The following TP53AIP1 variants were observed in gnomAD, a reference collection of about 807,000 sequenced individuals.
The protein encoded by TP53AIP1 is tumor protein p53 regulated apoptosis inducing protein 1.
A neutral mutation model predicts 9.5 loss-of-function variants in TP53AIP1; 14 were observed. The ratio of observed to expected loss-of-function variants is 1.47; its 90% confidence interval spans 0.97 to 2.30. The LOEUF (loss-of-function observed/expected upper bound fraction) is 2.30. Ranked by LOEUF, TP53AIP1 falls within the 30% of genes most tolerant of loss-of-function variation. The pLI is 0.00. For missense variants in TP53AIP1, 153 were observed against 146.7 expected (o/e 1.04, Z -0.22); for synonymous variants, 73 against 61.2 (o/e 1.19, Z -0.90).
rs760854911 is a variant in TP53AIP1 at position 128,939,018 on chromosome 11, G to A, written c.-76-1124C>T. 2.6e-5 allele frequency among the ~76,000 whole-genome samples: 4 copies of A among 152,224 alleles called. No homozygotes were observed. The highest frequency in any genetic ancestry group is 2.1e-4 in the South Asian group (1 of 4,814). On this transcript the variant is annotated intron_variant, in intron 1 of 3. Coordinates refer to ENST00000531399, the MANE Select transcript of TP53AIP1 (RefSeq NM_022112.3). The surrounding 1 kb of genome is among the most constrained non-coding windows in gnomAD (Gnocchi z 4.1). ...CATGCTGGCCATGTGCGGTGACCAC[G>A]CTAAGTACTGTGCGTGTACCATTTC...
Position 128,935,440 on chromosome 11 carries a change from C to T in TP53AIP1, c.*151G>A. On this transcript the variant is annotated 3_prime_UTR_variant, in exon 4 of 4. Transcript: ENST00000531399. ...AAAATGAGGCAACCTAGCCACCCAA[C>T]TGGCCCAGTGGTCAAGGGGGGAAAT... 1.4e-6 allele frequency: 2 copies of T among 1,421,208 alleles called. No individual in the cohort carries two copies. The highest frequency in any genetic ancestry group is 1.8e-6 in the Non-Finnish European group (2 of 1,093,984). The allele number at this position is 1,421,208 out of a possible 1,614,324, so 88.0% of individuals were successfully genotyped here.
At chr11:128,941,490 C>T (rs980890729) in intron 1 of TP53AIP1, among the ~76,000 whole-genome samples, 44 of 152,226 alleles carry the variant, frequency 2.9e-4, no homozygotes, top group African/African-American at 1.1e-3. Flanking sequence ...GTTGCCTCAG[C>T]CCCCAACGCA....
intron 3 of TP53AIP1, 190 bp downstream of exon 3, chr11:128,936,348 G>A (rs1944823424): frequency 1.4e-6 from 2 of 1,383,832 alleles, no homozygotes; most frequent in Non-Finnish European, 1.9e-6. Context: ...TTTAATTTGA[G>A]AAATTAAATA....
In TP53AIP1 at chr11:128,942,801, C is replaced by G. The variant is rs1264095814; in HGVS notation, c.-84G>C. ...CCCTCCCCCTCTCCTCACCTGCCTC[C>G]TAGGAGTCGGAGGGTCCGTGGAAAT... On this transcript the variant is annotated 5_prime_UTR_variant, in exon 1 of 4. Coordinates refer to ENST00000531399, the MANE Select transcript of TP53AIP1 (RefSeq NM_022112.3). 1 of 152,776 alleles carries G rather than the reference C, an allele frequency of 6.5e-6. No homozygotes were observed. Among genetic ancestry groups the G allele is most frequent in the Non-Finnish European group, 1.5e-5 (1 of 68,432 alleles). The allele number at this position is 152,776 out of a possible 1,614,324, so 9.5% of individuals were successfully genotyped here. A position where few individuals can be genotyped will look rare whatever the true frequency, so the allele number is the denominator to read the frequency against.
intron 2 of TP53AIP1, chr11:128,936,991 T>C: frequency 1.8e-6 from 2 of 1,088,908 alleles, no homozygotes; most frequent in Non-Finnish European, 2.2e-6. Context: ...ACGCTGCGTG[T>C]GAGCTTCTGG....
At chr11:128,940,247 C>T (rs1389875302) in intron 1 of TP53AIP1, among the ~76,000 whole-genome samples, 1 of 152,142 alleles carries the variant, frequency 6.6e-6, no homozygotes, top group Non-Finnish European at 1.5e-5. Flanking sequence ...GGAGAGATGA[C>T]AGCTATCCTC....
chr11:128,935,275 G>A, downstream of TP53AIP1: 1 of 1,428,214 alleles, frequency 7.0e-7, no homozygotes, highest in East Asian at 2.5e-5. Context: ...GACAACGCTT[G>A]GAGCATACTT....
chr11:128,935,146 G>C, downstream of TP53AIP1: 4 of 794,660 alleles, frequency 5.0e-6, no homozygotes, highest in Non-Finnish European at 8.5e-6. Flanking sequence ...CACCCAGCGG[G>C]GGCCCGGGGC....
chr11:128,940,789 C>T (rs1160651279), intron 1 of TP53AIP1, among the ~76,000 whole-genome samples: 1 of 152,210 alleles, frequency 6.6e-6, no homozygotes, highest in Non-Finnish European at 1.5e-5. Flanking sequence ...ACGCTGGGTG[C>T]CTTTCCGCAG....
chr11:128,938,663 A>T (rs983823420), intron 1 of TP53AIP1, among the ~76,000 whole-genome samples: 1 of 152,080 alleles, frequency 6.6e-6, no homozygotes. Flanking sequence ...CTGCATTCTG[A>T]GCTACTGCCC....
rs764251284 is a variant in TP53AIP1 at position 128,936,545 on chromosome 11, G to A, written c.246C>T (p.Ile82=). The A allele has an allele frequency of 1.3e-6, 2 of 1,571,802 alleles. No individual in the cohort carries two copies. Among genetic ancestry groups the A allele is most frequent in the African/African-American group, 1.3e-5 (1 of 74,328 alleles). ...SGSWSSATVW[I]LTGLGLGLSR... ...TAAGTAATTATCACACACCTGTCAG[G>A]ATCCAGACAGTTGCTGAGGACCAAG... The change falls in exon 3 of 4, where the codon ATC becomes ATT. Residue 82 remains isoleucine (I), a synonymous_variant. Coordinates refer to ENST00000531399, the MANE Select transcript of TP53AIP1 (RefSeq NM_022112.3).
rs1944867188 is a variant in TP53AIP1, at chr11:128,938,000, G to A, written c.-76-106C>T. The A allele has an allele frequency of 4.2e-6, 3 of 713,050 alleles. No homozygotes were observed. The highest frequency in any genetic ancestry group is 3.0e-5 in the Admixed American group (1 of 33,486). 44.2% of individuals were successfully genotyped at this position (713,050 alleles called of 1,614,324 possible). A position where few individuals can be genotyped will look rare whatever the true frequency, so the allele number is the denominator to read the frequency against. ...TTTCAGTTGTACTTGGATCTGGGAGGGGGAAGCCGATGCACCCAGAGACCC... is the reference window on the plus strand; with the variant it reads ...TTTCAGTTGTACTTGGATCTGGGAGAGGGAAGCCGATGCACCCAGAGACCC... On this transcript the variant is annotated intron_variant, in intron 1 of 3. Transcript: ENST00000531399. This position sits in a 1 kb window ranked among gnomAD's most constrained non-coding sequence, Gnocchi z 4.8.
chr11:128,941,202 G>A (rs780232863), intron 1 of TP53AIP1, among the ~76,000 whole-genome samples: 1 of 152,204 alleles, frequency 6.6e-6, no homozygotes, highest in African/African-American at 2.4e-5. Flanking sequence ...CTGCCGAACA[G>A]CTCCTGGGGA....
At chr11:128,935,098 C>T (rs188813931), downstream of TP53AIP1, 24 of 707,670 alleles carry the variant, frequency 3.4e-5, no homozygotes, top group East Asian at 1.1e-4. Flanking sequence ...GTGGTAGGAA[C>T]GTGTCAGCAG....
At chr11:128,936,679 C>T in intron 2 of TP53AIP1, 30 bp from the exon 3 acceptor site, 5 of 1,549,728 alleles carry the variant, frequency 3.2e-6, no homozygotes, top group Non-Finnish European at 4.3e-6. Flanking sequence ...GACTGTGAGG[C>T]CCTGCAGCGC....
In TP53AIP1 at chr11:128,937,852, C is replaced by T. The variant is rs945898148; in HGVS notation, c.-34G>A. On this transcript the variant is annotated 5_prime_UTR_variant, in exon 2 of 4. Transcript: ENST00000531399. This position sits in a 1 kb window ranked among gnomAD's most constrained non-coding sequence, Gnocchi z 4.8. The stretch of plus-strand genomic sequence containing the variant: ...GGCCCTGTCTGCAGAAAGCAGAGAA[C>T]TTGGCTTCTCCTCATTTGTTGTTAG... 4 of 1,573,034 alleles carry T rather than the reference C, an allele frequency of 2.5e-6. No individual in the cohort carries two copies. The African/African-American group carries it at 5.5e-5, about 22-fold the overall frequency.
At chr11:128,940,199 G>A (rs1199833504) in intron 1 of TP53AIP1, among the ~76,000 whole-genome samples, 1 of 152,230 alleles carries the variant, frequency 6.6e-6, no homozygotes, top group African/African-American at 2.4e-5. Flanking sequence ...GGCACAAGGG[G>A]CCAAGTTTTG....
Position 128,935,465 on chromosome 11 carries a change from T to A in TP53AIP1, c.*126A>T. On this transcript the variant is annotated 3_prime_UTR_variant, in exon 4 of 4. Coordinates refer to ENST00000531399, the MANE Select transcript of TP53AIP1 (RefSeq NM_022112.3). ...CTGGCCCAGTGGTCAAGGGGGGAAA[T>A]GAGGTGGCCGCTAGTCAGCGCTGGA... 1 of 1,435,740 alleles carries A rather than the reference T, an allele frequency of 7.0e-7. No homozygotes were observed. The highest frequency in any genetic ancestry group is 1.5e-5 in the South Asian group (1 of 64,624). 88.9% of individuals were successfully genotyped at this position (1,435,740 alleles called of 1,614,324 possible).
intron 2 of TP53AIP1, 182 bp from the exon 3 acceptor site, chr11:128,936,831 C>T: frequency 7.0e-7 from 1 of 1,422,072 alleles, no homozygotes; most frequent in South Asian, 1.5e-5. Context: ...GAACAAAAGG[C>T]TCCTCAAGGT....
Sources: allele counts gnomAD v4.1 joint callset (sites outside exome capture counted in the v4.1 genomes callset), GRCh38; gene constraint gnomAD v4.1.1; non-coding constraint Gnocchi (gnomAD v3.1); transcripts MANE v1.5; gene names NCBI Gene and HGNC (gene_info 2026-07-23, HGNC 2026-07-21).